Variants in MSRA observed in about 807,000 individuals in gnomAD.
MSRA encodes the protein methionine sulfoxide reductase A, also known as mitochondrial peptide methionine sulfoxide reductase.
In MSRA, 54 loss-of-function variants were observed where a neutral mutation model predicts 31.3. The observed-to-expected ratio is 1.73, with a 90% confidence interval of 1.39 to 2.17. The LOEUF (loss-of-function observed/expected upper bound fraction) is 2.17. Among genes scored for constraint, MSRA ranks in the 30% most tolerant of loss-of-function variants. The pLI, the probability that MSRA is intolerant of heterozygous loss-of-function variation, is 0.00. For missense variants in MSRA, 507 were observed against 300.9 expected, an observed-to-expected ratio of 1.69 and a Z score of -5.07; for synonymous variants, 169 against 116.5, an observed-to-expected ratio of 1.45 and a Z score of -2.90.
intron 2 of MSRA, among the ~76,000 whole-genome samples, chr8:10,234,581 G>A (rs941839719): frequency 6.6e-6 from 1 of 151,970 alleles, no homozygotes; most frequent in Admixed American, 6.6e-5. Context: ...CACAAAATGA[G>A]GTTATGGAAA....
chr8:10,246,292 G>T (rs58657855), intron 3 of MSRA, among the ~76,000 whole-genome samples: 2,072 of 152,304 alleles, frequency 0.014, 49 homozygotes, highest in African/African-American at 0.047. Context: ...GGCTAACAGG[G>T]TAGGCAGATG....
intron 2 of MSRA, among the ~76,000 whole-genome samples, chr8:10,237,550 T>C (rs1281617836): frequency 6.6e-6 from 1 of 152,236 alleles, no homozygotes; most frequent in Non-Finnish European, 1.5e-5. Flanking sequence ...TAAAGCTGAA[T>C]AGTAATAGGC....
At chr8:10,206,611 T>C (rs1258824280) in intron 1 of MSRA, among the ~76,000 whole-genome samples, 1 of 152,208 alleles carries the variant, frequency 6.6e-6, no homozygotes, top group Non-Finnish European at 1.5e-5. Context: ...CAGATTGTTC[T>C]CTGGCCCGGG....
At chr8:10,280,472 T>A (rs1799562977) in intron 3 of MSRA, among the ~76,000 whole-genome samples, 1 of 152,258 alleles carries the variant, frequency 6.6e-6, no homozygotes, top group African/African-American at 2.4e-5. Context: ...TGATTTTTCC[T>A]GTTTGAGTTA....
intron 5 of MSRA, among the ~76,000 whole-genome samples, chr8:10,380,044 G>C (rs1805975211): frequency 6.6e-6 from 1 of 152,204 alleles, no homozygotes; most frequent in African/African-American, 2.4e-5. Context: ...TCTAGTGAAA[G>C]AGAAATGGTG....
At chr8:10,285,663 C>T (rs1242233808) in intron 3 of MSRA, among the ~76,000 whole-genome samples, 2 of 151,924 alleles carry the variant, frequency 1.3e-5, no homozygotes, top group Non-Finnish European at 2.9e-5. Flanking sequence ...CACTCCTTCC[C>T]CGCCTCTGGT....
intron 5 of MSRA, among the ~76,000 whole-genome samples, chr8:10,387,059 G>C (rs1423652054): frequency 6.6e-6 from 1 of 152,096 alleles, no homozygotes; most frequent in African/African-American, 2.4e-5. Context: ...CTGAGCTTCT[G>C]CATTTCTGAC....
At chr8:10,318,937 G>C (rs765570890) in intron 4 of MSRA, among the ~76,000 whole-genome samples, 1 of 152,094 alleles carries the variant, frequency 6.6e-6, no homozygotes, top group African/African-American at 2.4e-5. Flanking sequence ...GCACTGCTCC[G>C]CAGTCCTTAC....
In MSRA at chr8:10,428,698, T is replaced by C. The variant is rs1809356493; in HGVS notation, c.*386T>C. On this transcript the variant is annotated 3_prime_UTR_variant, in exon 6 of 6. Transcript: ENST00000317173. ...GCCAGTGCCTTACAATTTGCAAACG[T>C]GTATAGCCTCAGTGACTCATTCGCT... The C allele has an allele frequency of 4.3e-6, 1 of 231,062 alleles. No homozygotes were observed. The highest frequency in any genetic ancestry group is 8.4e-6 in the Non-Finnish European group (1 of 119,760). The allele number at this position is 231,062 out of a possible 1,614,324, so 14.3% of individuals were successfully genotyped here.
At chr8:10,228,318 C>T (rs1208693224) in intron 2 of MSRA, among the ~76,000 whole-genome samples, 1 of 152,182 alleles carries the variant, frequency 6.6e-6, no homozygotes, top group African/African-American at 2.4e-5. Context: ...GAGAGGAGCA[C>T]CTTGGAAATG....
At chr8:10,353,000 T>A (rs1438428833) in intron 5 of MSRA, among the ~76,000 whole-genome samples, 5 of 152,204 alleles carry the variant, frequency 3.3e-5, no homozygotes, top group Non-Finnish European at 7.3e-5. Flanking sequence ...TTTTGAGGTG[T>A]GTCTCTGTGG....
chr8:10,419,158 G>C (rs35696785), intron 5 of MSRA, among the ~76,000 whole-genome samples: 1 of 152,128 alleles, frequency 6.6e-6, no homozygotes, highest in South Asian at 2.1e-4. Context: ...CTGCTCTGTA[G>C]AATTCCTATA....
intron 5 of MSRA, among the ~76,000 whole-genome samples, chr8:10,369,648 A>C (rs905479343): frequency 7.2e-5 from 11 of 152,226 alleles, no homozygotes; most frequent in Non-Finnish European, 1.6e-4. Flanking sequence ...TAGGATGAAA[A>C]CTTAAAAATG....
chr8:10,134,454 C>T (rs926282512), intron 1 of MSRA, among the ~76,000 whole-genome samples: 5 of 152,356 alleles, frequency 3.3e-5, no homozygotes, highest in African/African-American at 4.8e-5. Flanking sequence ...CAGTTTATCC[C>T]TGTGCCGGTG....
At chr8:10,417,768 G>GTGTGTGTGTGTGTGTGTGTGTGTGTGTC (rs1168134918) in intron 5 of MSRA, among the ~76,000 whole-genome samples, 5 of 150,740 alleles carry the variant, frequency 3.3e-5, no homozygotes, top group South Asian at 2.1e-4. Context: ...GTGTGTGTGT[G>GTGTGTGTGTGTGTGTGTGTGTGTGTGTC]TGTGTGTGTG....
chr8:10,380,850 G>T (rs1185360898), intron 5 of MSRA, among the ~76,000 whole-genome samples: 1 of 150,882 alleles, frequency 6.6e-6, no homozygotes, highest in Non-Finnish European at 1.5e-5. Context: ...TGGAATGCTG[G>T]CTGGCTGGCT....
At chr8:10,319,287 G>T (rs1454869445) in intron 4 of MSRA, among the ~76,000 whole-genome samples, 5 of 152,090 alleles carry the variant, frequency 3.3e-5, no homozygotes, top group African/African-American at 1.2e-4. Flanking sequence ...TTCACTCTGG[G>T]GCACTGTCAC....
At chr8:10,272,634 C>A (rs1380602424) in intron 3 of MSRA, among the ~76,000 whole-genome samples, 2 of 152,230 alleles carry the variant, frequency 1.3e-5, no homozygotes, top group African/African-American at 4.8e-5. Flanking sequence ...TTGGCACAGT[C>A]AAGTTGACAC....
chr8:10,400,422 A>G (rs193064452), intron 5 of MSRA, among the ~76,000 whole-genome samples: 659 of 148,760 alleles, frequency 4.4e-3, no homozygotes, highest in Middle Eastern at 0.015. Context: ...CGGTGGATGA[A>G]TGAGAGCTGG....
Sources: allele counts gnomAD v4.1 joint callset (sites outside exome capture counted in the v4.1 genomes callset), GRCh38; gene constraint gnomAD v4.1.1; transcripts MANE v1.5; gene names NCBI Gene and HGNC (gene_info 2026-07-23, HGNC 2026-07-21).